The following RBM14 variants were observed in gnomAD, a reference collection of about 807,000 sequenced individuals.
The protein encoded by RBM14 is RNA binding motif protein 14.
A neutral mutation model predicts 52.8 loss-of-function variants in RBM14; 5 were observed. The ratio of observed to expected loss-of-function variants is 0.09; its 90% CI spans 0.05 to 0.20. The LOEUF (loss-of-function observed/expected upper bound fraction) is 0.20. Ranked by LOEUF, RBM14 falls within the 10% of genes least tolerant of loss-of-function variation. The pLI, the probability that RBM14 is intolerant of heterozygous loss-of-function variation, is 1.00. For missense variants in RBM14, 780 were observed against 926.6 expected (o/e 0.84, Z 2.05); for synonymous variants, 411 against 401.8 (o/e 1.02, Z -0.28).
chr11:66,628,818 C>T lies in RBM14; in HGVS notation c.*2150C>T, dbSNP rs924856041. On this transcript the variant is annotated 3_prime_UTR_variant, in exon 3 of 3. Coordinates refer to ENST00000310137, the MANE Select transcript of RBM14 (RefSeq NM_006328.4). ...GTCAGTGTGGCTTTCTGTCATCTTC[C>T]TTTTTCTCCAGTGAGGGTTCTGCCA... Among the ~76,000 whole-genome samples, 1 of 152,132 alleles carries T rather than the reference C, an allele frequency of 6.6e-6. No individual in the cohort carries two copies. Among genetic ancestry groups the T allele is most frequent in the Non-Finnish European group, 1.5e-5 (1 of 68,030 alleles).
At chr11:66,618,006 TTC>T (rs1199086701) in intron 1 of RBM14, among the ~76,000 whole-genome samples, 1 of 152,246 alleles carries the variant, frequency 6.6e-6, no homozygotes, top group African/African-American at 2.4e-5. Flanking sequence ...AGTAGTCTGA[TTC>T]TCAGGGCAGA....
At chr11:66,619,467 T>G (rs931620562) in intron 1 of RBM14, 8 of 152,222 alleles carry the variant, frequency 5.3e-5, no homozygotes, top group Non-Finnish European at 1.0e-4. Flanking sequence ...TGGGGAGATC[T>G]GAAAGACAAA....
At chr11:66,618,192 A>G (rs1323606583) in intron 1 of RBM14, among the ~76,000 whole-genome samples, 2 of 152,178 alleles carry the variant, frequency 1.3e-5, no homozygotes, top group East Asian at 3.8e-4. Context: ...CCACTTGGGA[A>G]CAGATCAGAG....
intron 1 of RBM14, chr11:66,617,312 C>A: frequency 7.6e-7 from 1 of 1,321,508 alleles, no homozygotes; most frequent in Non-Finnish European, 9.7e-7. Context: ...GGGCCGGGGA[C>A]GCGCCTGAGA....
Position 66,625,108 on chromosome 11 carries a change from A to G in RBM14, c.1232A>G (p.Asn411Ser), listed in dbSNP as rs138269503. 5.6e-6 allele frequency: 9 copies of G among 1,612,992 alleles called. No homozygotes were observed. Among genetic ancestry groups the G allele is most frequent in the African/African-American group, 5.4e-5 (4 of 74,766 alleles). The change falls in exon 2 of 3, where the codon AAT becomes AGT. Residue 411 changes from asparagine (N) to serine (S), a missense_variant. Transcript: ENST00000310137. This position sits in a 1 kb window ranked among gnomAD's most constrained non-coding sequence, Gnocchi z 4.2. ...AATGCCCAGCCCTCGGCCTCTTACA[A>G]TGCCCAGTCTGCCCCATATGCTGCA... is the stretch of plus-strand genomic sequence containing the variant. ...SYNAQPSASY[N>S]AQSAPYAAQQ...
chr11:66,626,189 A>G (rs1000146641), intron 2 of RBM14, among the ~76,000 whole-genome samples: 1 of 152,202 alleles, frequency 6.6e-6, no homozygotes, highest in Admixed American at 6.5e-5. Context: ...GGGCGGAGAT[A>G]GTTTGCTGTG....
intron 1 of RBM14, among the ~76,000 whole-genome samples, chr11:66,623,601 G>A (rs1008335155): frequency 6.6e-6 from 1 of 152,146 alleles, no homozygotes; most frequent in Admixed American, 6.5e-5. Flanking sequence ...GCCCAAATGA[G>A]GTCCTCCTGT....
chr11:66,617,283 C>T (rs890724412), intron 1 of RBM14: 1 of 1,345,700 alleles, frequency 7.4e-7, no homozygotes, highest in African/African-American at 1.5e-5. Context: ...GTGCGGCGGC[C>T]ACTGCGAGCC....
In RBM14 at chr11:66,616,658, G is replaced by A. The variant is rs1278597986; in HGVS notation, c.-63G>A. 2 of 1,507,296 alleles carry A rather than the reference G, an allele frequency of 1.3e-6. No homozygotes were observed. Among genetic ancestry groups the A allele is most frequent in the South Asian group, 1.3e-5 (1 of 76,580 alleles). 93.4% of individuals were successfully genotyped at this position (1,507,296 alleles called of 1,614,324 possible). ...CCTGAGGAGGACTGCCGGTCGTTCG[G>A]ACGTCTTGCCTGTCGCTGGAGGAGA... is the stretch of plus-strand genomic sequence containing the variant. On this transcript the variant is annotated 5_prime_UTR_variant, in exon 1 of 3. Transcript: ENST00000310137.
chr11:66,626,326 C>A, intron 2 of RBM14, 135 bp from the exon 3 acceptor site: 1 of 893,148 alleles, frequency 1.1e-6, no homozygotes, highest in South Asian at 1.6e-5. Context: ...GATGAGCCTT[C>A]TGACAAAAGG....
rs1403102990 is a variant in RBM14, at chr11:66,624,191, C to T, written c.338-23C>T. 1.9e-6 allele frequency: 3 copies of T among 1,554,924 alleles called. No individual in the cohort carries two copies. In the Admixed American group the frequency reaches 5.6e-5, roughly 29 times the overall value. ...CATGCCCTGCCCCCCTAATTGCTAA[C>T]CCTCTGTCTGCTGCTTTATCAGACT... On this transcript the variant is annotated intron_variant, in intron 1 of 2. Coordinates refer to ENST00000310137, the MANE Select transcript of RBM14 (RefSeq NM_006328.4). This position sits in a 1 kb window ranked among gnomAD's most constrained non-coding sequence, Gnocchi z 4.7.
In RBM14 at chr11:66,625,665, G is replaced by A. The variant is rs190230004; in HGVS notation, c.1789G>A (p.Ala597Thr). Residue 597 changes from alanine (A) to threonine (T), a missense_variant, in exon 2 of 3, where the codon GCC becomes ACC. Physicochemically the swap from Ala to Thr is moderately conservative, Grantham distance 58. Transcript: ENST00000310137. This position sits in a 1 kb window ranked among gnomAD's most constrained non-coding sequence, Gnocchi z 4.2. ...CGACGATCCCTACAAAAAGGCTGTC[G>A]CCATGTCGAAAAGGTACTGTATGCC... ...SYDDPYKKAV[A>T]MSKRYGSDRR... The A allele has an allele frequency of 2.1e-4, 331 of 1,609,948 alleles. 1 individual carries two copies. The highest frequency in any genetic ancestry group is 1.7e-4 in the Admixed American group (10 of 59,934).
rs757532337 is a variant in RBM14 at position 66,626,998 on chromosome 11, G to A, written c.*330G>A. On this transcript the variant is annotated 3_prime_UTR_variant, in exon 3 of 3. Coordinates refer to ENST00000310137, the MANE Select transcript of RBM14 (RefSeq NM_006328.4). ...ATTTTTGTGCGCGATATTTAAGGTC[G>A]TCTGGATGGGGAAGCAACCTGCAGC... The A allele has an allele frequency of 7.0e-5, 15 of 214,414 alleles. No homozygotes were observed. The highest frequency in any genetic ancestry group is 8.3e-5 in the Non-Finnish European group (9 of 108,624). 13.3% of individuals were successfully genotyped at this position (214,414 alleles called of 1,614,324 possible).
intron 1 of RBM14, chr11:66,618,638 A>G: frequency 1.4e-6 from 1 of 711,020 alleles, no homozygotes. Flanking sequence ...GTCCAGCAAA[A>G]GGGTGGGGTA....
Position 66,624,921 on chromosome 11 carries a change from G to A in RBM14, c.1045G>A (p.Gly349Ser), listed in dbSNP as rs761724060. ...CTATGGTAACCAGCCATCCTCTTAC[G>A]GCGCCCAGGCTGCCTCTTCCTATGG... is the stretch of plus-strand genomic sequence containing the variant. ...ASYGNQPSSY[G>S]AQAASSYGVR... Residue 349 changes from glycine (G) to serine (S), a missense_variant, in exon 2 of 3, where the codon GGC becomes AGC. This residue lies in a region of RBM14 where 675 missense variants were observed against 697.3 expected (regional missense o/e 0.97). Transcript: ENST00000310137. This position sits in a 1 kb window ranked among gnomAD's most constrained non-coding sequence, Gnocchi z 4.7. The A allele has an allele frequency of 8.1e-6, 13 of 1,613,564 alleles. No individual in the cohort carries two copies. The highest frequency in any genetic ancestry group is 6.7e-5 in the Admixed American group (4 of 59,970).
chr11:66,617,836 G>A (rs1590839553), intron 1 of RBM14, among the ~76,000 whole-genome samples: 1 of 152,162 alleles, frequency 6.6e-6, no homozygotes, highest in East Asian at 1.9e-4. Context: ...GTCTTTACAT[G>A]CCAAGCCAGT....
rs933410611 is a variant in RBM14, at chr11:66,627,249, C to T, written c.*581C>T. ...TGGTGAGCGGCACAGTCCCACTTCC[C>T]CATCTCCCCAAGTAGGTGGTGTTAG... On this transcript the variant is annotated 3_prime_UTR_variant, in exon 3 of 3. Coordinates refer to ENST00000310137, the MANE Select transcript of RBM14 (RefSeq NM_006328.4). 1.3e-5 allele frequency: 2 copies of T among 152,238 alleles called. No homozygotes were observed. The highest frequency in any genetic ancestry group is 4.8e-5 in the African/African-American group (2 of 41,430). 9.4% of individuals were successfully genotyped at this position (152,238 alleles called of 1,614,324 possible).
At position 66,622,234 on chromosome 11, in the gene RBM14, C is replaced by CT. The variant is rs377533228; in HGVS notation, c.338-1965dup. On this transcript the variant is annotated intron_variant, in intron 1 of 2. Transcript: ENST00000310137. ...CTTGGCTAGTTTCTTTTCTTTTTTTCTTTTTTTTTTTTTTTGAAATGGAGT... is the reference window on the plus strand; with the variant it reads ...CTTGGCTAGTTTCTTTTCTTTTTTTCTTTTTTTTTTTTTTTTGAAATGGAGT... Among the ~76,000 whole-genome samples, 721 of 140,432 alleles carry CT rather than the reference C, an allele frequency of 5.1e-3. 3 individuals carry two copies. The highest frequency in any genetic ancestry group is 0.018 in the South Asian group (78 of 4,364). 92.1% of individuals were successfully genotyped at this position (140,432 alleles called of 152,430 possible). A position where few individuals can be genotyped will look rare whatever the true frequency, so the allele number is the denominator to read the frequency against.
At position 66,624,029 on chromosome 11, in the gene RBM14, C is replaced by T. The variant is rs146356089; in HGVS notation, c.338-185C>T. 2.1e-4 allele frequency: 220 copies of T among 1,024,604 alleles called. 2 individuals carry two copies. In the East Asian group the frequency reaches 4.3e-3, roughly 20 times the overall value. The allele number at this position is 1,024,604 out of a possible 1,614,324, so 63.5% of individuals were successfully genotyped here. On this transcript the variant is annotated intron_variant, in intron 1 of 2. Coordinates refer to ENST00000310137, the MANE Select transcript of RBM14 (RefSeq NM_006328.4). This position sits in a 1 kb window ranked among gnomAD's most constrained non-coding sequence, Gnocchi z 4.7. ...AGAAGGCTGTAGGCAAAGATGACTG[C>T]TTGGGACAGTCAGAAGCTTTGTTAT...
Sources: allele counts gnomAD v4.1 joint callset (sites outside exome capture counted in the v4.1 genomes callset), GRCh38; gene constraint gnomAD v4.1.1; regional missense constraint gnomAD v4.1.1; non-coding constraint Gnocchi (gnomAD v3.1); transcripts MANE v1.5; gene names NCBI Gene and HGNC (gene_info 2026-07-23, HGNC 2026-07-21).